Variants in ARID1A observed in about 807,000 individuals in gnomAD.
ARID1A encodes AT-rich interaction domain 1A, also known as AT-rich interactive domain-containing protein 1A.
In ARID1A, 20 loss-of-function variants were observed where a neutral mutation model predicts 212.6. The observed-to-expected ratio is 0.09, with a 90% CI of 0.07 to 0.14. ARID1A has a LOEUF of 0.14. Among genes scored for constraint, ARID1A ranks in the 10% least tolerant of loss-of-function variants. ARID1A has a pLI of 1.00. For synonymous variants in ARID1A, 1,376 were observed against 1,222.1 expected, an observed-to-expected ratio of 1.13 and a Z score of -2.63; for missense variants, 2,587 against 3,059.0, an observed-to-expected ratio of 0.85 and a Z score of 3.64.
In ARID1A at chr1:26,780,889, G is replaced by C. The variant is rs1019086140; in HGVS notation, c.*133G>C. ...CTGTGCTGTCCAGCTTCTCCCTTGG[G>C]AAAAAGTCTCTCCTGTTTCTCTCTC... On this transcript the variant is annotated 3_prime_UTR_variant, in exon 20 of 20. Transcript: ENST00000324856. This position sits in a 1 kb window ranked among gnomAD's most constrained non-coding sequence, Gnocchi z 7.2. The C allele has an allele frequency of 7.7e-7, 1 of 1,305,278 alleles. No homozygotes were observed. Among genetic ancestry groups the C allele is most frequent in the East Asian group, 2.4e-5 (1 of 41,722 alleles). 80.9% of individuals were successfully genotyped at this position (1,305,278 alleles called of 1,614,324 possible). A position where few individuals can be genotyped will look rare whatever the true frequency, so the allele number is the denominator to read the frequency against.
rs2080254972 is a variant in ARID1A, at chr1:26,696,511, G to T, written c.108G>T (p.Gly36=). The change falls in exon 1 of 20, where the codon GGG becomes GGT. Residue 36 remains glycine, a synonymous_variant. Coordinates refer to ENST00000324856, the MANE Select transcript of ARID1A (RefSeq NM_006015.6). ...KAEQQQREEA[G]GEAAAAAAAE... is the part of the protein sequence containing the mutation. ...AGCAGCAGCAGCGGGAGGAGGCGGGGGGCGAGGCGGCGGCGGCGGCAGCGG... is the reference window on the plus strand; with the variant it reads ...AGCAGCAGCAGCGGGAGGAGGCGGGTGGCGAGGCGGCGGCGGCGGCAGCGG... 8.1e-7 allele frequency: 1 copy of T among 1,229,382 alleles called. No homozygotes were observed. Among genetic ancestry groups the T allele is most frequent in the Non-Finnish European group, 1.0e-6 (1 of 988,122 alleles). The allele number at this position is 1,229,382 out of a possible 1,614,324, so 76.2% of individuals were successfully genotyped here.
intron 1 of ARID1A, among the ~76,000 whole-genome samples, chr1:26,699,696 C>T (rs1012794517): frequency 2.0e-5 from 3 of 152,048 alleles, no homozygotes; most frequent in African/African-American, 2.4e-5. Context: ...AACCTCTTTC[C>T]TCTCATTCCC....
At chr1:26,710,494 T>TACACACACACACACACAC (rs61663540) in intron 1 of ARID1A, among the ~76,000 whole-genome samples, 3,715 of 131,408 alleles carry the variant, frequency 0.028, 113 homozygotes, top group African/African-American at 0.057. Flanking sequence ...AAATAATACA[T>TACACACACACACACACAC]ACACACACAC....
chr1:26,722,211 G>A (rs2080571648), intron 1 of ARID1A, among the ~76,000 whole-genome samples: 1 of 152,066 alleles, frequency 6.6e-6, no homozygotes, highest in Admixed American at 6.6e-5. Flanking sequence ...AAGCAGAATG[G>A]GGTAGATAGA....
At chr1:26,748,254 G>C (rs1271272807) in intron 4 of ARID1A, among the ~76,000 whole-genome samples, 1 of 152,182 alleles carries the variant, frequency 6.6e-6, no homozygotes, top group Non-Finnish European at 1.5e-5. Context: ...CAGGCTTGCT[G>C]TAGAGAGGAG....
At chr1:26,731,637 G>A (rs954637964) in intron 3 of ARID1A, 33 bp downstream of exon 3, 17 of 1,598,222 alleles carry the variant, frequency 1.1e-5, no homozygotes, top group Non-Finnish European at 1.5e-5. Context: ...CCTTCCCTGT[G>A]TGTGACTACA....
At position 26,731,146 on chromosome 1, in the gene ARID1A, C is replaced by G; in HGVS notation, c.1351-6C>G. 6.2e-7 allele frequency: 1 copy of G among 1,612,412 alleles called. No individual in the cohort carries two copies. The highest frequency in any genetic ancestry group is 1.1e-5 in the South Asian group (1 of 91,064). On this transcript the variant is annotated splice_polypyrimidine_tract_variant and splice_region_variant and intron_variant, in intron 2 of 19. Transcript: ENST00000324856. ...AGTGCTAAAAGTATATTTTCCTTTC[C>G]TACAGATTCCTCCTTATGGACAACA...
chr1:26,776,819 A>C (rs1417638589), intron 19 of ARID1A, among the ~76,000 whole-genome samples: 1 of 152,132 alleles, frequency 6.6e-6, no homozygotes, highest in African/African-American at 2.4e-5. Flanking sequence ...CAGAGGTAGG[A>C]GGTATGGCCA....
chr1:26,730,374 C>T (rs1322648214), intron 2 of ARID1A, among the ~76,000 whole-genome samples: 2 of 152,152 alleles, frequency 1.3e-5, no homozygotes, highest in African/African-American at 4.8e-5. Context: ...TTATCCATCT[C>T]TTTTTGTCGA....
intron 1 of ARID1A, among the ~76,000 whole-genome samples, chr1:26,725,710 G>C (rs997330261): frequency 5.3e-5 from 8 of 152,126 alleles, no homozygotes; most frequent in African/African-American, 1.7e-4. Flanking sequence ...ACCCTTTATA[G>C]CCCCCATGTA....
At position 26,729,814 on chromosome 1, in the gene ARID1A, T is replaced by C. The variant is rs2080656020; in HGVS notation, c.1301T>C (p.Met434Thr). ...SQTPQRYPMT[M>T]QGRAQSAMGG... is the part of the protein sequence containing the mutation. ...ACCCCGCAGCGGTACCCGATGACCA[T>C]GCAGGGCCGGGCGCAGAGTGCCATG... is the stretch of plus-strand genomic sequence containing the variant. The change falls in exon 2 of 20, where the codon ATG (methionine) becomes ACG (threonine). Residue 434 changes from methionine (M) to threonine (T), a missense_variant. Physicochemically the swap from Met to Thr is moderately conservative, Grantham distance 81. Transcript: ENST00000324856. 1.2e-6 allele frequency: 2 copies of C among 1,614,108 alleles called. No homozygotes were observed. Among genetic ancestry groups the C allele is most frequent in the Non-Finnish European group, 8.5e-7 (1 of 1,180,058 alleles).
chr1:26,719,610 G>A, intron 1 of ARID1A, among the ~76,000 whole-genome samples: 1 of 151,882 alleles, frequency 6.6e-6, no homozygotes, highest in East Asian at 1.9e-4. Context: ...TTAAAGTGGT[G>A]TGAAACTCTA....
At chr1:26,723,126 C>T (rs982077614) in intron 1 of ARID1A, among the ~76,000 whole-genome samples, 1 of 152,092 alleles carries the variant, frequency 6.6e-6, no homozygotes, top group African/African-American at 2.4e-5. Context: ...AGTTGTCTGG[C>T]TGGGGAGAGA....
At position 26,696,262 on chromosome 1, in the gene ARID1A, G is replaced by A; in HGVS notation, c.-142G>A. The A allele has an allele frequency of 2.9e-6, 3 of 1,024,376 alleles. No individual in the cohort carries two copies. Among genetic ancestry groups the A allele is most frequent in the Admixed American group, 4.7e-5 (1 of 21,296 alleles). The allele number at this position is 1,024,376 out of a possible 1,614,324, so 63.5% of individuals were successfully genotyped here. Reference sequence around the variant, plus strand: ...CGGGGCGGGGGGGAGAGGAGCGAGCGCAGCGCAGCAGCGGAGCCCCGCGAG... The same window carrying A: ...CGGGGCGGGGGGGAGAGGAGCGAGCACAGCGCAGCAGCGGAGCCCCGCGAG... On this transcript the variant is annotated 5_prime_UTR_variant, in exon 1 of 20. Transcript: ENST00000324856.
At chr1:26,697,943 C>G (rs1413601474) in intron 1 of ARID1A, among the ~76,000 whole-genome samples, 1 of 152,120 alleles carries the variant, frequency 6.6e-6, no homozygotes, top group Non-Finnish European at 1.5e-5. Context: ...GCTCACCTGC[C>G]GCTCCTCTCC....
In ARID1A at chr1:26,729,733, C is replaced by T. The variant is rs780917379; in HGVS notation, c.1220C>T (p.Pro407Leu). The T allele has an allele frequency of 1.2e-5, 20 of 1,614,234 alleles. No individual in the cohort carries two copies. Among genetic ancestry groups the T allele is most frequent in the Non-Finnish European group, 1.7e-5 (20 of 1,180,034 alleles). Residue 407 changes from proline to leucine, a missense_variant, in exon 2 of 20, where the codon CCT becomes CTT. Pro to Leu is a moderately conservative substitution (Grantham distance 98, BLOSUM62 -3). Transcript: ENST00000324856. Reference sequence around the variant, plus strand: ...AACCCATACTCGCAGCAACAGGGACCTCCGTCAGGACCGCAGCAAGGACAT... The same window carrying T: ...AACCCATACTCGCAGCAACAGGGACTTCCGTCAGGACCGCAGCAAGGACAT... ...GTNPYSQQQG[P>L]PSGPQQGHGY... is the part of the protein sequence containing the mutation.
At chr1:26,768,120 G>A in intron 11 of ARID1A, 121 bp downstream of exon 11, 1 of 1,136,452 alleles carries the variant, frequency 8.8e-7, no homozygotes, top group Non-Finnish European at 1.2e-6. Context: ...CCCGCTTTCT[G>A]AGTCTAATAT....
chr1:26,697,321 G>C lies in ARID1A; in HGVS notation c.918G>C (p.Arg306=). 7.5e-7 allele frequency: 1 copy of C among 1,339,762 alleles called. No individual in the cohort carries two copies. 83.0% of individuals were successfully genotyped at this position (1,339,762 alleles called of 1,614,324 possible). Residue 306 remains arginine, a synonymous_variant, in exon 1 of 20, where the codon CGG becomes CGC. Transcript: ENST00000324856. ...TGCTCACGTCGCCCAGCTCGGCCCG[G>C]GGCTACCAGGGCTACCCCGGGGGCG... ...NQLLTSPSSA[R]GYQGYPGGDY...
chr1:26,741,507 G>A (rs1466589837), intron 4 of ARID1A, among the ~76,000 whole-genome samples: 1 of 152,278 alleles, frequency 6.6e-6, no homozygotes, highest in African/African-American at 2.4e-5. Context: ...ATGGAAGAGG[G>A]AAAAGTGAAG....
Sources: allele counts gnomAD v4.1 joint callset (sites outside exome capture counted in the v4.1 genomes callset), GRCh38; gene constraint gnomAD v4.1.1; non-coding constraint Gnocchi (gnomAD v3.1); transcripts MANE v1.5; gene names NCBI Gene and HGNC (gene_info 2026-07-23, HGNC 2026-07-21).